Variants in UGT1A7 observed in about 807,000 individuals in gnomAD.
UGT1A7 encodes the protein UDP glucuronosyltransferase family 1 member A7.
Under a neutral mutation model 45.6 loss-of-function variants are expected in UGT1A7, and 33 were observed. The observed-to-expected ratio is 0.72, with a 90% CI of 0.55 to 0.97. The LOEUF (loss-of-function observed/expected upper bound fraction) is 0.97, where lower values mean the gene tolerates loss of function less well. Among genes scored for constraint, UGT1A7 ranks in the 50% least tolerant of loss-of-function variants. UGT1A7 has a pLI of 0.00. For missense variants in UGT1A7, 684 were observed against 666.2 expected (o/e 1.03, Z -0.29); for synonymous variants, 274 against 250.6 (o/e 1.09, Z -0.88).
intron 1 of UGT1A7, among the ~76,000 whole-genome samples, chr2:233,701,610 C>A (rs1237229756): frequency 2.0e-5 from 3 of 152,314 alleles, no homozygotes; most frequent in Admixed American, 6.5e-5. Context: ...CACTCCTCAG[C>A]AAACGTAAAA....
rs191504719 is a variant in UGT1A7, at chr2:233,687,329, T to G, written c.855+4537T>G. Among the ~76,000 whole-genome samples, 6 of 152,310 alleles carry G rather than the reference T, an allele frequency of 3.9e-5. No homozygotes were observed. In the East Asian group the frequency reaches 9.6e-4, roughly 24 times the overall value. The stretch of plus-strand genomic sequence containing the variant: ...GTTGTCTTCTTGATGCAAGTTTCCC[T>G]TGAATGATTTAAACTTCAGATGGGT... On this transcript the variant is annotated intron_variant, in intron 1 of 4. Transcript: ENST00000373426.
intron 1 of UGT1A7, among the ~76,000 whole-genome samples, chr2:233,690,308 C>T (rs1218520610): frequency 6.6e-6 from 1 of 152,180 alleles, no homozygotes; most frequent in Non-Finnish European, 1.5e-5. Context: ...GGCTCCATTA[C>T]TTATGGGTCG....
chr2:233,759,597 C>T (rs1299391040), intron 1 of UGT1A7, among the ~76,000 whole-genome samples: 1 of 140,706 alleles, frequency 7.1e-6, no homozygotes, highest in Admixed American at 7.3e-5. Flanking sequence ...CCCCCACCCC[C>T]GACCCGCCCC....
chr2:233,751,623 T>C (rs985380326), intron 1 of UGT1A7, among the ~76,000 whole-genome samples: 2 of 152,166 alleles, frequency 1.3e-5, no homozygotes, highest in African/African-American at 4.8e-5. Context: ...GATTGGATCA[T>C]GTGTGCAGTT....
At chr2:233,692,979 C>A in intron 1 of UGT1A7, 1 of 1,612,842 alleles carries the variant, frequency 6.2e-7, no homozygotes, top group Non-Finnish European at 8.5e-7. Context: ...CTCTTTATTA[C>A]CGTTGTTACT....
In UGT1A7 at chr2:233,769,471, G is replaced by T. The variant is rs969663450; in HGVS notation, c.1295+1032G>T. On this transcript the variant is annotated intron_variant, in intron 4 of 4. Coordinates refer to ENST00000373426, the MANE Select transcript of UGT1A7 (RefSeq NM_019077.3). The surrounding 1 kb of genome is among the most constrained non-coding windows in gnomAD (Gnocchi z 4.4). ...CACGTGTGCATTCATATGCGTGTGT[G>T]TGTGTGTGCGTGTGTTTATGAGAGT... The T allele has an allele frequency of 2.5e-6, 4 of 1,609,228 alleles. No homozygotes were observed. The African/African-American group carries it at 5.3e-5, about 21-fold the overall frequency.
At chr2:233,694,151 C>G (rs2075202420) in intron 1 of UGT1A7, among the ~76,000 whole-genome samples, 1 of 152,102 alleles carries the variant, frequency 6.6e-6, no homozygotes. Context: ...TAGAAATGTC[C>G]CAGTTCAAAC....
intron 1 of UGT1A7, among the ~76,000 whole-genome samples, chr2:233,711,406 G>T (rs931347062): frequency 6.6e-6 from 1 of 152,222 alleles, no homozygotes; most frequent in Non-Finnish European, 1.5e-5. Flanking sequence ...CCTCACCCCG[G>T]GCTCATCAGG....
intron 1 of UGT1A7, among the ~76,000 whole-genome samples, chr2:233,739,239 G>C (rs1225583543): frequency 6.6e-6 from 1 of 152,230 alleles, no homozygotes; most frequent in Non-Finnish European, 1.5e-5. Context: ...ACCTCTGCTA[G>C]AGAAGGGTGG....
chr2:233,724,484 G>GAT (rs2077266609), intron 1 of UGT1A7, among the ~76,000 whole-genome samples: 7 of 76,988 alleles, frequency 9.1e-5, no homozygotes, highest in Admixed American at 2.6e-4. Flanking sequence ...CTTCTCAGAC[G>GAT]GGGCGGCCGG....
intron 1 of UGT1A7, among the ~76,000 whole-genome samples, chr2:233,751,216 T>G (rs569696168): frequency 6.6e-6 from 1 of 152,100 alleles, no homozygotes; most frequent in East Asian, 1.9e-4. Flanking sequence ...CTTTAAGATT[T>G]AATGACTGCC....
intron 1 of UGT1A7, among the ~76,000 whole-genome samples, chr2:233,744,443 C>T (rs1003987688): frequency 1.2e-4 from 18 of 151,818 alleles, no homozygotes; most frequent in African/African-American, 3.9e-4. Flanking sequence ...ATACGTACTG[C>T]ATTAGAGATT....
chr2:233,713,255 A>T (rs1242833896), intron 1 of UGT1A7: 5 of 1,614,152 alleles, frequency 3.1e-6, no homozygotes, highest in Non-Finnish European at 4.2e-6. Flanking sequence ...CCCAGGACGA[A>T]TTTGATCGCC....
At position 233,722,845 on chromosome 2, in the gene UGT1A7, C is replaced by CTTT. The variant is rs61550889; in HGVS notation, c.855+40065_855+40067dup. Among the ~76,000 whole-genome samples the CTTT allele has an allele frequency of 2.2e-4, 30 of 135,360 alleles. 2 individuals carry two copies. The highest frequency in any genetic ancestry group is 7.7e-4 in the African/African-American group (28 of 36,400). The allele number at this position is 135,360 out of a possible 152,430, so 88.8% of individuals were successfully genotyped here. ...ATTTTGTATTATAATAAGAATGTTT[C>CTTT]TTTTTTTTTTTTTTGAAGGAAAAAA... On this transcript the variant is annotated intron_variant, in intron 1 of 4. Transcript: ENST00000373426.
At chr2:233,684,390 A>G (rs2074678224) in intron 1 of UGT1A7, among the ~76,000 whole-genome samples, 1 of 152,198 alleles carries the variant, frequency 6.6e-6, no homozygotes. Flanking sequence ...TTACAGCACC[A>G]GCCATCACTC....
At position 233,725,224 on chromosome 2, in the gene UGT1A7, CAGAGGCAGA is replaced by C. The variant is rs1559370411; in HGVS notation, c.856-41809_856-41801del. On this transcript the variant is annotated intron_variant, in intron 1 of 4. Transcript: ENST00000373426. ...GAGGCAGAGGCAGAGGCAGAGGAGG[CAGAGGCAGA>C]GGAGGCAGAGGCAGAGGAGGCAGAG... Among the ~76,000 whole-genome samples the C allele has an allele frequency of 9.6e-4, 83 of 86,752 alleles. 33 individuals carry two copies. The highest frequency in any genetic ancestry group is 6.1e-3 in the African/African-American group (72 of 11,874). The allele number at this position is 86,752 out of a possible 152,430, so 56.9% of individuals were successfully genotyped here. A position where few individuals can be genotyped will look rare whatever the true frequency, so the allele number is the denominator to read the frequency against.
intron 1 of UGT1A7, chr2:233,755,039 G>A (rs1047792650): frequency 3.8e-6 from 5 of 1,321,018 alleles, no homozygotes; most frequent in Non-Finnish European, 5.1e-6. Flanking sequence ...TGCCGCCTGC[G>A]CAGCCGCCCT....
At chr2:233,703,158 C>T (rs2075725163) in intron 1 of UGT1A7, among the ~76,000 whole-genome samples, 1 of 152,106 alleles carries the variant, frequency 6.6e-6, no homozygotes, top group Admixed American at 6.5e-5. Context: ...TGTATTTCTT[C>T]TTGATTCAAT....
chr2:233,718,939 C>T (rs149017068), intron 1 of UGT1A7: 3 of 1,614,142 alleles, frequency 1.9e-6, no homozygotes, highest in East Asian at 2.2e-5. Context: ...GATGGCAGCC[C>T]CTGGCTCAGC....
Sources: gnomAD v4.1 joint callset for allele counts (sites outside exome capture counted in the v4.1 genomes callset) on GRCh38, gnomAD v4.1.1 for gene constraint, Gnocchi (gnomAD v3.1) non-coding constraint, MANE v1.5 for transcripts, NCBI Gene and HGNC (gene_info 2026-07-23, HGNC 2026-07-21) for gene names.